The following ANKRD33B variants were observed in gnomAD, a reference collection of about 807,000 sequenced individuals.
ANKRD33B encodes the protein ankyrin repeat domain 33B.
Under a neutral mutation model 21.5 loss-of-function variants are expected in ANKRD33B, and 6 were observed. The ratio of observed to expected loss-of-function variants is 0.28; its 90% CI spans 0.15 to 0.55. The LOEUF is 0.55. Ranked by LOEUF, ANKRD33B falls within the 20% of genes least tolerant of loss-of-function variation. The pLI, the probability that ANKRD33B is intolerant of heterozygous loss-of-function variation, is 0.94. For synonymous variants in ANKRD33B, 347 were observed against 342.4 expected (o/e 1.01, Z -0.15); for missense variants, 698 against 747.2 (o/e 0.93, Z 0.77).
chr5:10,588,885 C>T (rs1735621878), intron 1 of ANKRD33B, among the ~76,000 whole-genome samples: 1 of 152,158 alleles, frequency 6.6e-6, no homozygotes, highest in South Asian at 2.1e-4. Flanking sequence ...TAGCTAGTGG[C>T]TCCCTAGAGA....
rs1462403023 is a variant in ANKRD33B at position 10,576,568 on chromosome 5, T to C, written c.366+11735T>C. ...CCCATCTAGAAACTGGGAGGCTTAC[T>C]ATGAAGATAATAACACCTCCTAGAG... On this transcript the variant is annotated intron_variant, in intron 1 of 3. Coordinates refer to ENST00000296657, the MANE Select transcript of ANKRD33B (RefSeq NM_001164440.2). The surrounding 1 kb of genome is among the most constrained non-coding windows in gnomAD (Gnocchi z 4.1). Among the ~76,000 whole-genome samples the C allele has an allele frequency of 6.6e-6, 1 of 152,238 alleles. No homozygotes were observed. The highest frequency in any genetic ancestry group is 1.5e-5 in the Non-Finnish European group (1 of 68,040).
intron 3 of ANKRD33B, among the ~76,000 whole-genome samples, chr5:10,647,163 G>A (rs990992877): frequency 2.0e-5 from 3 of 151,780 alleles, no homozygotes; most frequent in African/African-American, 7.3e-5. Context: ...GGAGTGCGGT[G>A]GTGCGATCTC....
chr5:10,569,383 G>T (rs183392349), intron 1 of ANKRD33B, among the ~76,000 whole-genome samples: 3 of 152,090 alleles, frequency 2.0e-5, no homozygotes, highest in African/African-American at 7.2e-5. Context: ...GATCACTTGA[G>T]CCTAGGAGTT....
chr5:10,649,623 C>A lies in ANKRD33B; in HGVS notation c.995C>A (p.Pro332His), dbSNP rs529884304. ...TGCCAGACCGTGTGCCCTGAGAGCC[C>A]TCCGAGCGTGGGGAAGAGGCGGCTG... Reference protein sequence around the residue: ...IVCQTVCPESPPSVGKRRLAV... With the variant: ...IVCQTVCPESHPSVGKRRLAV... The change falls in exon 4 of 4, where the codon CCT becomes CAT. Residue 332 changes from proline (P) to histidine (H), a missense_variant. Coordinates refer to ENST00000296657, the MANE Select transcript of ANKRD33B (RefSeq NM_001164440.2). 126 of 1,531,208 alleles carry A rather than the reference C, an allele frequency of 8.2e-5. 1 individual carries two copies. The African/African-American group carries it at 1.5e-3, about 18-fold the overall frequency. The allele number at this position is 1,531,208 out of a possible 1,614,324, so 94.9% of individuals were successfully genotyped here.
At chr5:10,646,247 T>C (rs1737186319) in intron 3 of ANKRD33B, among the ~76,000 whole-genome samples, 1 of 152,174 alleles carries the variant, frequency 6.6e-6, no homozygotes, top group Non-Finnish European at 1.5e-5. Flanking sequence ...GGGTGGGAGA[T>C]GACGATGCTG....
At position 10,608,217 on chromosome 5, in the gene ANKRD33B, G is replaced by A. The variant is rs147842840; in HGVS notation, c.367-10116G>A. On this transcript the variant is annotated intron_variant, in intron 1 of 3. Transcript: ENST00000296657. ...AATACAAAAAAAAAAAAAAAAATGG[G>A]CGTGGTGGTGCATGACTGTAGTCTC... 5.3e-3 allele frequency among the ~76,000 whole-genome samples: 797 copies of A among 151,698 alleles called. 1 individual carries two copies. Among genetic ancestry groups the A allele is most frequent in the Middle Eastern group, 0.014 (4 of 294 alleles).
At chr5:10,641,561 A>G (rs1262615735) in intron 3 of ANKRD33B, among the ~76,000 whole-genome samples, 1 of 151,974 alleles carries the variant, frequency 6.6e-6, no homozygotes, top group Non-Finnish European at 1.5e-5. Flanking sequence ...AGTTTCTGTC[A>G]TAACCTGTTG....
At chr5:10,629,339 G>C (rs11739495) in intron 2 of ANKRD33B, among the ~76,000 whole-genome samples, 42,381 of 152,018 alleles carry the variant, frequency 0.28, 6,161 homozygotes, top group East Asian at 0.49. Context: ...GCCTATGCTG[G>C]TCTCAAATTC....
chr5:10,573,006 G>A lies in ANKRD33B; in HGVS notation c.366+8173G>A, dbSNP rs187928851. Among the ~76,000 whole-genome samples the A allele has an allele frequency of 6.7e-3, 1,015 of 152,248 alleles. 42 individuals carry two copies. Among genetic ancestry groups the A allele is most frequent in the Admixed American group, 0.062 (951 of 15,272 alleles). On this transcript the variant is annotated intron_variant, in intron 1 of 3. Transcript: ENST00000296657. ...TGGAAGCATACGTCGTTATTTCTCT[G>A]TTTCTTTGAAATTGCTCTCAAATCC...
At chr5:10,645,002 G>A (rs944354656) in intron 3 of ANKRD33B, among the ~76,000 whole-genome samples, 5 of 152,198 alleles carry the variant, frequency 3.3e-5, no homozygotes, top group Admixed American at 6.5e-5. Flanking sequence ...AAAAGATATC[G>A]CAGAGATGCT....
Position 10,564,739 on chromosome 5 carries a change from G to T in ANKRD33B, c.272G>T (p.Arg91Leu), listed in dbSNP as rs1735007763. 2.6e-6 allele frequency: 4 copies of T among 1,530,800 alleles called. No homozygotes were observed. In the South Asian group the frequency reaches 3.6e-5, roughly 14 times the overall value. The allele number at this position is 1,530,800 out of a possible 1,614,324, so 94.8% of individuals were successfully genotyped here. A position where few individuals can be genotyped will look rare whatever the true frequency, so the allele number is the denominator to read the frequency against. Residue 91 changes from arginine (R) to leucine (L), a missense_variant, in exon 1 of 4, where the codon CGC becomes CTC. By Grantham distance (102) the Arg-to-Leu change is moderately radical. This residue lies in a region of ANKRD33B where 148 missense variants were observed against 154.9 expected (regional missense o/e 0.96). Transcript: ENST00000296657. The part of the protein sequence containing the change: ...ESVPETATLL[R>L]AACANNVGLL... ...GTCCCGGAGACGGCGACCCTCCTGC[G>T]CGCCGCCTGCGCCAACAACGTGGGG...
rs370025228 is a variant in ANKRD33B, at chr5:10,610,873, G to A, written c.367-7460G>A. ...CAGCTTGGCCAACGTGGCGAAACCCGTCTCTACTAAAAATAAAAAAATTAG... is the reference window on the plus strand; with the variant it reads ...CAGCTTGGCCAACGTGGCGAAACCCATCTCTACTAAAAATAAAAAAATTAG... On this transcript the variant is annotated intron_variant, in intron 1 of 3. Coordinates refer to ENST00000296657, the MANE Select transcript of ANKRD33B (RefSeq NM_001164440.2). Among the ~76,000 whole-genome samples the A allele has an allele frequency of 8.0e-4, 122 of 152,138 alleles. 2 individuals carry two copies. In the South Asian group the frequency reaches 0.011, roughly 14 times the overall value.
chr5:10,618,448 C>T lies in ANKRD33B; in HGVS notation c.482C>T (p.Thr161Ile). Residue 161 changes from threonine to isoleucine, a missense_variant, in exon 2 of 4, where the codon ACA becomes ATA. This residue lies in a region of ANKRD33B where 543 missense variants were observed against 566.5 expected (regional missense o/e 0.96). Transcript: ENST00000296657. ...AGCGAGGGGAACACAGCCCTAATCA[C>T]AGCTGCACAGGCAGGTAAGAGCTGG... The part of the protein sequence containing the change: ...QDSEGNTALI[T>I]AAQAGHAIIT... 6.5e-7 allele frequency: 1 copy of T among 1,534,330 alleles called. No individual in the cohort carries two copies. Among genetic ancestry groups the T allele is most frequent in the Non-Finnish European group, 8.7e-7 (1 of 1,144,960 alleles).
intron 1 of ANKRD33B, 28 bp downstream of exon 1, chr5:10,564,861 GC>G: frequency 6.8e-7 from 1 of 1,473,698 alleles, no homozygotes; most frequent in South Asian, 1.3e-5. Flanking sequence ...CAGGATTTGA[GC>G]CCCCTCACTG....
At chr5:10,566,704 C>G (rs1735071541) in intron 1 of ANKRD33B, among the ~76,000 whole-genome samples, 1 of 152,274 alleles carries the variant, frequency 6.6e-6, no homozygotes, top group African/African-American at 2.4e-5. Context: ...GCCTAACAGA[C>G]TGAGTCTCCA....
intron 2 of ANKRD33B, among the ~76,000 whole-genome samples, chr5:10,618,704 T>C (rs533474965): frequency 1.3e-5 from 2 of 152,198 alleles, no homozygotes; most frequent in Non-Finnish European, 2.9e-5. Context: ...TATGAATCTG[T>C]ACCAGAAAGC....
At chr5:10,569,597 A>AAAATAAAT (rs56346529) in intron 1 of ANKRD33B, among the ~76,000 whole-genome samples, 14,714 of 148,312 alleles carry the variant, frequency 0.099, 784 homozygotes, top group African/African-American at 0.14. Flanking sequence ...CCCGTGTTTG[A>AAAATAAAT]AAATAAATAA....
At chr5:10,643,187 G>C (rs925424192) in intron 3 of ANKRD33B, among the ~76,000 whole-genome samples, 5 of 152,092 alleles carry the variant, frequency 3.3e-5, no homozygotes, top group Admixed American at 3.3e-4. Context: ...ACAGGTGTGA[G>C]CCACCGCACC....
chr5:10,649,193 C>T (rs1333754292), intron 3 of ANKRD33B, 73 bp from the exon 4 acceptor site: 1 of 1,459,674 alleles, frequency 6.9e-7, no homozygotes, highest in Non-Finnish European at 9.0e-7. Context: ...TTTGCCTTTG[C>T]CCCAGGCTCT....
Sources: gnomAD v4.1 joint callset for allele counts (sites outside exome capture counted in the v4.1 genomes callset) on GRCh38, gnomAD v4.1.1 for gene constraint, gnomAD v4.1.1 regional missense constraint, Gnocchi (gnomAD v3.1) non-coding constraint, MANE v1.5 for transcripts, NCBI Gene and HGNC (gene_info 2026-07-23, HGNC 2026-07-21) for gene names.